NPAS3: variants seen among roughly 807,000 people sequenced by gnomAD.
The protein encoded by NPAS3 is neuronal PAS domain-containing protein 3.
In NPAS3, 14 loss-of-function variants were observed where a neutral mutation model predicts 73.1. That is an observed-to-expected ratio of 0.19 (90% CI 0.13 to 0.30). The LOEUF (loss-of-function observed/expected upper bound fraction) is 0.30, where lower values mean the gene tolerates loss of function less well. Ranked by LOEUF, NPAS3 falls within the 10% of genes least tolerant of loss-of-function variation. The pLI is 1.00. For missense variants in NPAS3, 1,096 were observed against 1,250.0 expected (o/e 0.88, Z 1.86); for synonymous variants, 620 against 541.5 (o/e 1.14, Z -2.01).
In NPAS3 at chr14:33,341,759, T is replaced by A. The variant is rs558286952; in HGVS notation, c.386-25427T>A. On this transcript the variant is annotated intron_variant, in intron 3 of 11. Transcript: ENST00000356141. The stretch of plus-strand genomic sequence containing the variant: ...TCTGTCTATGTTGCTCTGCATCTTG[T>A]GTTGGTTTGAGAAAGATTCCATGTA... 2.6e-5 allele frequency among the ~76,000 whole-genome samples: 4 copies of A among 152,310 alleles called. No homozygotes were observed. The South Asian group carries it at 6.2e-4, about 24-fold the overall frequency.
intron 1 of NPAS3, among the ~76,000 whole-genome samples, chr14:33,035,417 G>A (rs571931397): frequency 3.9e-5 from 6 of 152,226 alleles, no homozygotes; most frequent in Non-Finnish European, 8.8e-5. Flanking sequence ...TTTTCATGCT[G>A]TATTAGAGCT....
intron 3 of NPAS3, among the ~76,000 whole-genome samples, chr14:33,269,693 G>A (rs981637000): frequency 3.6e-4 from 54 of 152,096 alleles, no homozygotes; most frequent in African/African-American, 1.3e-3. Flanking sequence ...GACTTCAGAT[G>A]GCCTCTGATA....
At chr14:33,701,866 A>G (rs1272536500) in intron 6 of NPAS3, among the ~76,000 whole-genome samples, 1 of 151,980 alleles carries the variant, frequency 6.6e-6, no homozygotes, top group Non-Finnish European at 1.5e-5. Flanking sequence ...GTGCAGAGAT[A>G]TCTACCAAAT....
chr14:33,415,468 T>A (rs1380078316), intron 4 of NPAS3, among the ~76,000 whole-genome samples: 1 of 152,084 alleles, frequency 6.6e-6, no homozygotes, highest in African/African-American at 2.4e-5. Flanking sequence ...TCAAGGAGAT[T>A]TTTCTGATGT....
rs184558998 is a variant in NPAS3, at chr14:33,439,720, G to T, written c.468+72452G>T. Among the ~76,000 whole-genome samples the T allele has an allele frequency of 2.9e-3, 444 of 152,322 alleles. 4 individuals are homozygous for T. Among genetic ancestry groups the T allele is most frequent in the African/African-American group, 0.01 (423 of 41,570 alleles). Reference sequence around the variant, plus strand: ...TGACAGAAAGCAGTAACTCGTCAGTGCTAATGGACGGTTAAGTTTGCTAGG... The same window carrying T: ...TGACAGAAAGCAGTAACTCGTCAGTTCTAATGGACGGTTAAGTTTGCTAGG... On this transcript the variant is annotated intron_variant, in intron 4 of 11. Coordinates refer to ENST00000356141, the Ensembl canonical transcript of NPAS3.
At chr14:33,104,855 G>C (rs2042677037) in intron 2 of NPAS3, among the ~76,000 whole-genome samples, 1 of 152,100 alleles carries the variant, frequency 6.6e-6, no homozygotes, top group Non-Finnish European at 1.5e-5. Flanking sequence ...AAAAAATATG[G>C]TGCCCATTTT....
chr14:33,137,363 G>A (rs1430664502), intron 2 of NPAS3, among the ~76,000 whole-genome samples: 2 of 152,068 alleles, frequency 1.3e-5, no homozygotes, highest in African/African-American at 4.8e-5. Flanking sequence ...AGACAAAACT[G>A]AATCATTTAC....
rs533553700 is a variant in NPAS3, at chr14:33,031,681, G to T, written c.51-24224G>T. Among the ~76,000 whole-genome samples, 4 of 152,246 alleles carry T rather than the reference G, an allele frequency of 2.6e-5. No homozygotes were observed. In the South Asian group the frequency reaches 8.3e-4, roughly 32 times the overall value. ...ATTTTTTATTTTTTGTAGAGATGGG[G>T]CCTCACAGTGTTGCCCAAGCTGGTC... On this transcript the variant is annotated intron_variant, in intron 1 of 11. Transcript: ENST00000356141.
At chr14:33,078,937 T>G (rs1039194051) in intron 2 of NPAS3, among the ~76,000 whole-genome samples, 1 of 152,230 alleles carries the variant, frequency 6.6e-6, no homozygotes, top group Non-Finnish European at 1.5e-5. Flanking sequence ...AGAAAATAAT[T>G]GAGAATCACT....
At chr14:33,109,442 C>A (rs148834712) in intron 2 of NPAS3, among the ~76,000 whole-genome samples, 104 of 152,212 alleles carry the variant, frequency 6.8e-4, no homozygotes, top group African/African-American at 2.3e-3. Flanking sequence ...TCCTGTTTTA[C>A]ATTTTTATAG....
chr14:33,515,853 C>T (rs1299505347), intron 4 of NPAS3, among the ~76,000 whole-genome samples: 1 of 152,046 alleles, frequency 6.6e-6, no homozygotes, highest in African/African-American at 2.4e-5. Context: ...TTTTAAACAA[C>T]TTTGTACTTT....
intron 2 of NPAS3, among the ~76,000 whole-genome samples, chr14:33,147,290 TA>T (rs2044269340): frequency 6.6e-6 from 1 of 152,186 alleles, no homozygotes; most frequent in Admixed American, 6.5e-5. Flanking sequence ...TCTTTCTCAT[TA>T]GATAATCAAC....
rs914996734 is a variant in NPAS3 at position 33,800,683 on chromosome 14, G to A, written c.2376G>A (p.Ala792=). ...TGCTGTACACTGGGGACCTGGAGGC[G>A]CTGCAGAGGTTGCAGGCGGGCAACG... The change falls in exon 12 of 12, where the codon GCG becomes GCA. Residue 792 remains alanine (A), a synonymous_variant. Coordinates refer to ENST00000356141, the Ensembl canonical transcript of NPAS3. This position sits in a 1 kb window ranked among gnomAD's most constrained non-coding sequence, Gnocchi z 6.5. 3.2e-6 allele frequency: 5 copies of A among 1,544,910 alleles called. No homozygotes were observed. In the Admixed American group the frequency reaches 5.9e-5, roughly 18 times the overall value.
intron 7 of NPAS3, among the ~76,000 whole-genome samples, 160 bp downstream of exon 7, chr14:33,735,492 T>TA (rs1455585030): frequency 2.0e-5 from 3 of 152,104 alleles, no homozygotes; most frequent in Non-Finnish European, 4.4e-5. Context: ...CAGGAGCTTC[T>TA]TTACACCTCT....
chr14:33,156,209 T>C (rs541920877), intron 2 of NPAS3, among the ~76,000 whole-genome samples: 1 of 152,344 alleles, frequency 6.6e-6, no homozygotes, highest in South Asian at 2.1e-4. Flanking sequence ...CTTTATTTCA[T>C]AGCAGGGATT....
intron 3 of NPAS3, among the ~76,000 whole-genome samples, chr14:33,357,685 C>T (rs1040056867): frequency 2.0e-5 from 3 of 152,186 alleles, no homozygotes; most frequent in African/African-American, 7.2e-5. Flanking sequence ...TATTGTGTGC[C>T]TTCTGCATTC....
chr14:33,470,333 G>A (rs1045760356), intron 4 of NPAS3, among the ~76,000 whole-genome samples: 4 of 152,136 alleles, frequency 2.6e-5, no homozygotes, highest in African/African-American at 4.8e-5. Flanking sequence ...AATTGGTTCC[G>A]CCAGTTTTGG....
At chr14:33,289,973 G>T (rs1566763397) in intron 3 of NPAS3, among the ~76,000 whole-genome samples, 1 of 152,098 alleles carries the variant, frequency 6.6e-6, no homozygotes, top group Admixed American at 6.5e-5. Flanking sequence ...CATGGATGTT[G>T]TCTTTTGTAC....
chr14:33,760,713 A>AG (rs1487404593), intron 7 of NPAS3, among the ~76,000 whole-genome samples: 1 of 152,086 alleles, frequency 6.6e-6, no homozygotes, highest in East Asian at 1.9e-4. Context: ...AAGTTAAAAA[A>AG]AAAAAAATCA....
Sources: gnomAD v4.1 joint callset for allele counts (sites outside exome capture counted in the v4.1 genomes callset) on GRCh38, gnomAD v4.1.1 for gene constraint, Gnocchi (gnomAD v3.1) non-coding constraint, MANE v1.5 for transcripts, NCBI Gene and HGNC (gene_info 2026-07-23, HGNC 2026-07-21) for gene names.